Variants in OR51B5 observed in about 807,000 individuals in gnomAD.
The protein encoded by OR51B5 is olfactory receptor family 51 subfamily B member 5, also known as olfactory receptor 51B5.
For synonymous variants in OR51B5, 186 were observed against 144.8 expected (o/e 1.28, Z -2.04); for missense variants, 456 against 374.6 (o/e 1.22, Z -1.79).
intron 1 of OR51B5, among the ~76,000 whole-genome samples, chr11:5,449,587 G>T (rs1315123408): frequency 1.3e-5 from 2 of 152,178 alleles, no homozygotes; most frequent in South Asian, 4.1e-4. Flanking sequence ...AACCCCAAGC[G>T]ATTCATTGAG....
intron 1 of OR51B5, among the ~76,000 whole-genome samples, chr11:5,371,978 A>G (rs994874843): frequency 2.0e-5 from 3 of 152,116 alleles, no homozygotes; most frequent in East Asian, 1.9e-4. Flanking sequence ...GATTCCACAT[A>G]TAAGTAATAT....
At chr11:5,438,160 G>A (rs572174638) in intron 1 of OR51B5, among the ~76,000 whole-genome samples, 3 of 152,196 alleles carry the variant, frequency 2.0e-5, no homozygotes, top group African/African-American at 7.2e-5. Flanking sequence ...CTCATATTGG[G>A]CATAAATCTC....
chr11:5,385,801 T>TA (rs1056580766), intron 1 of OR51B5, among the ~76,000 whole-genome samples: 6 of 142,184 alleles, frequency 4.2e-5, no homozygotes, highest in African/African-American at 1.1e-4. Context: ...TACTTATATA[T>TA]AAAAAATCTA....
intron 1 of OR51B5, among the ~76,000 whole-genome samples, chr11:5,380,600 G>T (rs530015552): frequency 3.3e-5 from 5 of 152,110 alleles, no homozygotes; most frequent in South Asian, 2.1e-4. Context: ...GGGATTTAAG[G>T]CTTGGTCAAT....
chr11:5,422,062 T>C, intron 1 of OR51B5: 1 of 677,134 alleles, frequency 1.5e-6, no homozygotes, highest in Non-Finnish European at 2.5e-6. Flanking sequence ...TGTTCTTAAA[T>C]CTTGCTTTAG....
At chr11:5,498,629 G>T (rs1162395119) in intron 1 of OR51B5, among the ~76,000 whole-genome samples, 1 of 152,090 alleles carries the variant, frequency 6.6e-6, no homozygotes, top group African/African-American at 2.4e-5. Flanking sequence ...ACAATACAAG[G>T]CCTTGCCAAA....
At chr11:5,353,355 G>A (rs191700505) in intron 1 of OR51B5, among the ~76,000 whole-genome samples, 1 of 152,246 alleles carries the variant, frequency 6.6e-6, no homozygotes, top group East Asian at 1.9e-4. Flanking sequence ...ACAGAGAGAT[G>A]CATTTTCATA....
intron 1 of OR51B5, among the ~76,000 whole-genome samples, chr11:5,462,440 C>T (rs1306448908): frequency 6.6e-6 from 1 of 152,180 alleles, no homozygotes; most frequent in Non-Finnish European, 1.5e-5. Flanking sequence ...CCATCAGCCT[C>T]ATTTTCTGAT....
rs371190479 is a variant in OR51B5 at position 5,422,412 on chromosome 11, C to T, written n.85-75502G>A. The T allele has an allele frequency of 4.6e-5, 75 of 1,613,990 alleles. No homozygotes were observed. In the Middle Eastern group the frequency reaches 6.6e-4, roughly 14 times the overall value. The stretch of plus-strand genomic sequence containing the variant: ...CTGTTTCTCTCCATGCTGGCCCTGA[C>T]GGACCTGGGTCTCACCCTCACCACC... On this transcript the variant is annotated intron_variant and non_coding_transcript_variant, in intron 1 of 4. Coordinates refer to the OR51B5 transcript ENST00000415970.
Position 5,477,859 on chromosome 11 carries a change from C to G in OR51B5, n.84+27710G>C, listed in dbSNP as rs536955588. 4.6e-5 allele frequency among the ~76,000 whole-genome samples: 7 copies of G among 152,270 alleles called. No homozygotes were observed. The East Asian group carries it at 1.4e-3, about 29-fold the overall frequency. On this transcript the variant is annotated intron_variant and non_coding_transcript_variant, in intron 1 of 4. Coordinates refer to the OR51B5 transcript ENST00000415970. ...TATCCCGCACCTGGCTCGGAGGGTC[C>G]TACGCCCACGGAGTCTCCCTGATTG...
chr11:5,413,157 C>T (rs1353989534), intron 1 of OR51B5, among the ~76,000 whole-genome samples: 1 of 152,218 alleles, frequency 6.6e-6, no homozygotes, highest in Admixed American at 6.5e-5. Context: ...GACACTGCTG[C>T]TGATACCCAG....
At chr11:5,381,164 TC>T (rs1317539712) in intron 1 of OR51B5, among the ~76,000 whole-genome samples, 2 of 102,672 alleles carry the variant, frequency 1.9e-5, no homozygotes, top group South Asian at 4.5e-4. Context: ...GCTGTTTCTC[TC>T]TCTCTCTCTC....
At chr11:5,460,421 A>C (rs1215153550) in intron 1 of OR51B5, among the ~76,000 whole-genome samples, 1 of 152,132 alleles carries the variant, frequency 6.6e-6, no homozygotes, top group Non-Finnish European at 1.5e-5. Context: ...CTTCTACTGA[A>C]TTTTTTATTT....
intron 1 of OR51B5, chr11:5,390,063 A>G (rs1387104651): frequency 3.1e-6 from 5 of 1,613,720 alleles, no homozygotes; most frequent in Non-Finnish European, 4.2e-6. Context: ...GTGATGCTGG[A>G]CCTGGTGCTC....
At chr11:5,450,360 C>A (rs1850825696) in intron 1 of OR51B5, among the ~76,000 whole-genome samples, 1 of 152,100 alleles carries the variant, frequency 6.6e-6, no homozygotes, top group Non-Finnish European at 1.5e-5. Flanking sequence ...CTGCACTCCA[C>A]CCTGGATGAT....
intron 1 of OR51B5, among the ~76,000 whole-genome samples, chr11:5,483,424 G>T (rs1445700119): frequency 6.9e-6 from 1 of 145,516 alleles, no homozygotes; most frequent in Non-Finnish European, 1.5e-5. Context: ...GAGTTAGTGG[G>T]TGCAGCGCAC....
At chr11:5,341,994 A>G (rs1848902557), downstream of OR51B5, among the ~76,000 whole-genome samples, 1 of 152,228 alleles carries the variant, frequency 6.6e-6, no homozygotes, top group South Asian at 2.1e-4. Context: ...TTTTTGAGAC[A>G]AATTCATTAT....
At chr11:5,428,287 T>C (rs549347105) in intron 1 of OR51B5, among the ~76,000 whole-genome samples, 1 of 152,290 alleles carries the variant, frequency 6.6e-6, no homozygotes, top group South Asian at 2.1e-4. Flanking sequence ...AAAAGAGTCA[T>C]ACTTAAAATT....
intron 1 of OR51B5, among the ~76,000 whole-genome samples, chr11:5,410,599 T>C (rs1394256179): frequency 6.6e-6 from 1 of 152,132 alleles, no homozygotes; most frequent in East Asian, 1.9e-4. Flanking sequence ...GAGAGAGTAT[T>C]TCTTCTACTT....
Sources: allele counts gnomAD v4.1 joint callset (sites outside exome capture counted in the v4.1 genomes callset), GRCh38; gene constraint gnomAD v4.1.1; transcripts MANE v1.5; gene names NCBI Gene and HGNC (gene_info 2026-07-23, HGNC 2026-07-21).